The following CAMTA1 variants were observed in gnomAD, a reference collection of about 807,000 sequenced individuals.
CAMTA1 encodes the protein calmodulin-binding transcription activator 1.
In CAMTA1, 27 loss-of-function variants were observed where a neutral mutation model predicts 170.9. The observed-to-expected ratio is 0.16, with a 90% CI of 0.12 to 0.22. The LOEUF is 0.22. Among genes scored for constraint, CAMTA1 ranks in the 10% least tolerant of loss-of-function variants. The probability of loss-of-function intolerance (pLI) is 1.00; values close to 1 mark genes in which losing one functional copy is unlikely to be tolerated. For missense variants in CAMTA1, 1,619 were observed against 2,217.2 expected, an observed-to-expected ratio of 0.73 and a Z score of 5.42; for synonymous variants, 833 against 891.5, an observed-to-expected ratio of 0.93 and a Z score of 1.17.
At chr1:7,397,691 T>C (rs574027078) in intron 5 of CAMTA1, among the ~76,000 whole-genome samples, 1 of 152,222 alleles carries the variant, frequency 6.6e-6, no homozygotes, top group East Asian at 1.9e-4. Flanking sequence ...TTGTGGTATG[T>C]TATGTTTCCA....
chr1:7,595,400 G>C (rs1025529396), intron 6 of CAMTA1, among the ~76,000 whole-genome samples: 1 of 152,190 alleles, frequency 6.6e-6, no homozygotes, highest in Non-Finnish European at 1.5e-5. Context: ...CTTTTAGAAA[G>C]CTATTTCAGT....
At chr1:6,894,165 C>A (rs1675159968) in intron 3 of CAMTA1, among the ~76,000 whole-genome samples, 1 of 150,284 alleles carries the variant, frequency 6.7e-6, no homozygotes, top group Non-Finnish European at 1.5e-5. Context: ...TTTTTCAGTA[C>A]CCACCCATCT....
chr1:6,993,624 C>G (rs1006647238), intron 3 of CAMTA1, among the ~76,000 whole-genome samples: 1 of 152,192 alleles, frequency 6.6e-6, no homozygotes, highest in Non-Finnish European at 1.5e-5. Flanking sequence ...TGAAATGTCT[C>G]TACTTCTGGT....
chr1:7,448,140 A>T (rs2149444925), intron 5 of CAMTA1, among the ~76,000 whole-genome samples: 1 of 151,794 alleles, frequency 6.6e-6, no homozygotes, highest in Middle Eastern at 3.4e-3. Context: ...CAGTCCCCGC[A>T]CCTCCCTCCT....
chr1:6,844,481 G>A (rs1453169117), intron 3 of CAMTA1, among the ~76,000 whole-genome samples: 1 of 146,634 alleles, frequency 6.8e-6, no homozygotes, highest in Non-Finnish European at 1.5e-5. Flanking sequence ...AGACCAGCCT[G>A]GGCAACATGA....
intron 5 of CAMTA1, among the ~76,000 whole-genome samples, chr1:7,411,529 CAAAAAAAAAA>C (rs869078814): frequency 1.5e-5 from 1 of 67,204 alleles, no homozygotes; most frequent in African/African-American, 6.3e-5. Context: ...GACTCTGCCT[CAAAAAAAAAA>C]AAAAAAAAAA....
chr1:7,308,588 G>T (rs924578319), intron 5 of CAMTA1, among the ~76,000 whole-genome samples: 1 of 151,804 alleles, frequency 6.6e-6, no homozygotes, highest in Non-Finnish European at 1.5e-5. Flanking sequence ...TAATTTTTTT[G>T]ACCTATGGGC....
intron 6 of CAMTA1, among the ~76,000 whole-genome samples, chr1:7,468,287 A>C (rs1149330): frequency 6.6e-6 from 1 of 152,094 alleles, no homozygotes; most frequent in Non-Finnish European, 1.5e-5. Context: ...TACAAGGCAC[A>C]TGTGGAAAAC....
rs1457443409 is a variant in CAMTA1, at chr1:7,014,779, C to T, written c.235-76525C>T. On this transcript the variant is annotated intron_variant, in intron 3 of 22. Transcript: ENST00000303635. This position sits in a 1 kb window ranked among gnomAD's most constrained non-coding sequence, Gnocchi z 4.2. ...AGGTTACACATTCTGAGCTACCTTT[C>T]GGGGTCTGTGGACCCTCTCAGACCC... is the stretch of plus-strand genomic sequence containing the variant. Among the ~76,000 whole-genome samples the T allele has an allele frequency of 1.8e-4, 27 of 152,100 alleles. No individual in the cohort carries two copies. Among genetic ancestry groups the T allele is most frequent in the Admixed American group, 1.6e-3 (24 of 15,274 alleles).
At chr1:7,178,814 C>T (rs950100462) in intron 4 of CAMTA1, among the ~76,000 whole-genome samples, 1 of 152,210 alleles carries the variant, frequency 6.6e-6, no homozygotes, top group African/African-American at 2.4e-5. Context: ...CAGCTGAACA[C>T]AACATGGTAC....
At chr1:7,524,063 A>T (rs1575790899) in intron 6 of CAMTA1, among the ~76,000 whole-genome samples, 1 of 146,784 alleles carries the variant, frequency 6.8e-6, no homozygotes, top group Non-Finnish European at 1.5e-5. Flanking sequence ...TTAGCTGGGC[A>T]TGGTGATGCG....
At chr1:7,371,068 C>T (rs565477560) in intron 5 of CAMTA1, among the ~76,000 whole-genome samples, 17 of 151,640 alleles carry the variant, frequency 1.1e-4, no homozygotes, top group African/African-American at 3.6e-4. Flanking sequence ...CCCACTACCA[C>T]GCGCAGGTAA....
intron 5 of CAMTA1, among the ~76,000 whole-genome samples, chr1:7,433,057 G>A (rs573740043): frequency 1.3e-5 from 2 of 152,206 alleles, no homozygotes; most frequent in Non-Finnish European, 2.9e-5. Context: ...CGGGTATGCC[G>A]GCCCCCAGTC....
chr1:7,320,543 G>T (rs967236536), intron 5 of CAMTA1, among the ~76,000 whole-genome samples: 1 of 151,852 alleles, frequency 6.6e-6, no homozygotes, highest in African/African-American at 2.4e-5. Context: ...TTTCTGCAGG[G>T]TCTACGTTGG....
chr1:7,149,421 A>G (rs1646435264), intron 4 of CAMTA1, among the ~76,000 whole-genome samples: 3 of 152,182 alleles, frequency 2.0e-5, no homozygotes. Flanking sequence ...CATCAAATGT[A>G]GCAGAAAAAA....
intron 3 of CAMTA1, among the ~76,000 whole-genome samples, chr1:6,926,326 C>CCCTCT (rs781355292): frequency 0.016 from 2,332 of 149,804 alleles, 32 homozygotes; most frequent in South Asian, 0.029. Context: ...CCCTCCCCTC[C>CCCTCT]CCTCTCCTCT....
chr1:6,909,490 G>A (rs953482295), intron 3 of CAMTA1, among the ~76,000 whole-genome samples: 16 of 152,212 alleles, frequency 1.1e-4, no homozygotes, highest in Admixed American at 7.8e-4. Context: ...AGGTTGGGGC[G>A]GGGGGCCTCT....
chr1:7,049,228 A>G (rs1374639828), intron 3 of CAMTA1, among the ~76,000 whole-genome samples: 1 of 152,130 alleles, frequency 6.6e-6, no homozygotes, highest in African/African-American at 2.4e-5. Context: ...TGGACAAAGC[A>G]TAGAGGAAAC....
chr1:7,668,282 C>T (rs541853389), intron 9 of CAMTA1, among the ~76,000 whole-genome samples: 9 of 152,230 alleles, frequency 5.9e-5, no homozygotes, highest in East Asian at 3.9e-4. Context: ...ATGCGATGGC[C>T]GGGGCCATCC....
Sources: gnomAD v4.1 joint callset for allele counts (sites outside exome capture counted in the v4.1 genomes callset) on GRCh38, gnomAD v4.1.1 for gene constraint, Gnocchi (gnomAD v3.1) non-coding constraint, MANE v1.5 for transcripts, NCBI Gene and HGNC (gene_info 2026-07-23, HGNC 2026-07-21) for gene names.